Variants in TBC1D1 observed in about 807,000 individuals in gnomAD.
The protein encoded by TBC1D1 is TBC1 domain family member 1, also known as TBC1 (tre-2/USP6, BUB2, cdc16) domain family, member 1.
TBC1D1 carries 89 observed loss-of-function variants against 125.6 expected under a neutral mutation model. The observed-to-expected ratio is 0.71, with a 90% CI of 0.60 to 0.85. TBC1D1 has a LOEUF of 0.85. TBC1D1 is among the 40% of genes least tolerant of loss of function. The pLI is 0.00. For missense variants in TBC1D1, 1,377 were observed against 1,469.2 expected (o/e 0.94, Z 1.03); for synonymous variants, 565 against 564.1 (o/e 1.00, Z -0.02).
At position 38,115,906 on chromosome 4, in the gene TBC1D1, T is replaced by G; in HGVS notation, c.2754T>G (p.Phe918Leu). 6.2e-7 allele frequency: 1 copy of G among 1,614,252 alleles called. No homozygotes were observed. Among genetic ancestry groups the G allele is most frequent in the Non-Finnish European group, 8.5e-7 (1 of 1,180,040 alleles). ...TTAAAATGCTCAAGTTTCTGATGTT[T>G]GACATGGGGCTGCGGAAACAGTATC... The change falls in exon 16 of 20, where the codon TTT becomes TTG. Residue 918 changes from phenylalanine to leucine, a missense_variant. By Grantham distance (22) the Phe-to-Leu change is conservative (BLOSUM62 0). Around this residue, in one of 3 missense-constraint regions of TBC1D1, gnomAD observed 543 missense variants for 613.5 expected, o/e 0.89. Transcript: ENST00000261439.
Position 38,092,034 on chromosome 4 carries a change from T to A in TBC1D1, c.2236+1917T>A, listed in dbSNP as rs1758512572. On this transcript the variant is annotated intron_variant, in intron 13 of 19. Coordinates refer to ENST00000261439, the MANE Select transcript of TBC1D1 (RefSeq NM_015173.4). ...ATGTTGGAAGTATTAATCCATTGTATTAGTGTGTACAGGACCTGGATTGCT... is the reference window on the plus strand; with the variant it reads ...ATGTTGGAAGTATTAATCCATTGTAATAGTGTGTACAGGACCTGGATTGCT... 3.3e-5 allele frequency among the ~76,000 whole-genome samples: 5 copies of A among 152,326 alleles called. No individual in the cohort carries two copies. In the South Asian group the frequency reaches 1.0e-3, roughly 32 times the overall value.
chr4:38,106,925 C>G (rs1317452299), intron 15 of TBC1D1, among the ~76,000 whole-genome samples: 3 of 152,126 alleles, frequency 2.0e-5, no homozygotes, highest in Non-Finnish European at 4.4e-5. Flanking sequence ...ACTGGCAGGG[C>G]TGGCTGCATT....
At chr4:38,054,392 C>T in intron 12 of TBC1D1, 54 bp downstream of exon 14, 2 of 1,606,376 alleles carry the variant, frequency 1.2e-6, no homozygotes, top group Non-Finnish European at 1.7e-6. Flanking sequence ...ACAGAGGACC[C>T]TGGGAGCCCC....
At chr4:38,027,969 T>C (rs1745381442) in intron 7 of TBC1D1, 90 bp downstream of exon 7, 1 of 929,236 alleles carries the variant, frequency 1.1e-6, no homozygotes, top group Admixed American at 2.8e-5. Context: ...AAACCAGTGT[T>C]GTCCCAACCT....
intron 2 of TBC1D1, among the ~76,000 whole-genome samples, chr4:37,922,443 T>C (rs369477647): frequency 6.6e-6 from 1 of 152,186 alleles, no homozygotes; most frequent in African/African-American, 2.4e-5. Context: ...GCAACCCTGT[T>C]AGAACTCAGT....
rs73810081 is a variant in TBC1D1 at position 37,974,025 on chromosome 4, T to A, written c.418-40484T>A. On this transcript the variant is annotated intron_variant, in intron 2 of 19. Transcript: ENST00000261439. ...GTAAGGTTGTAGAGTCTACAAGCAT[T>A]CTCGCTCTAATGGAACTGTCAGCCT... is the stretch of plus-strand genomic sequence containing the variant. Among the ~76,000 whole-genome samples the A allele has an allele frequency of 2.9e-3, 440 of 152,294 alleles. 1 individual carries two copies. Among genetic ancestry groups the A allele is most frequent in the African/African-American group, 1.0e-2 (414 of 41,548 alleles).
chr4:38,011,012 C>G (rs1258122707), intron 2 of TBC1D1, among the ~76,000 whole-genome samples: 1 of 152,162 alleles, frequency 6.6e-6, no homozygotes, highest in African/African-American at 2.4e-5. Flanking sequence ...ATAAAGAATT[C>G]AGGATTTTAT....
chr4:37,914,740 C>G (rs1216166397), intron 2 of TBC1D1, among the ~76,000 whole-genome samples: 2 of 152,230 alleles, frequency 1.3e-5, no homozygotes, highest in African/African-American at 4.8e-5. Context: ...TCCCGTTGCT[C>G]TCTGGACTCC....
At chr4:38,034,388 A>G (rs763380214) in intron 7 of TBC1D1, among the ~76,000 whole-genome samples, 1 of 152,258 alleles carries the variant, frequency 6.6e-6, no homozygotes, top group South Asian at 2.1e-4. Flanking sequence ...TTGAAAGAAC[A>G]GGAAGGCCTC....
At position 38,133,119 on chromosome 4, in the gene TBC1D1, T is replaced by A. The variant is rs1273823785; in HGVS notation, c.3168T>A (p.Ala1056=). ...TGGACATCGCTAAACAGTTACAAGC[T>A]TATGAAGTTGAGTACCACGTCCTTC... Residue 1056 remains alanine (A), a synonymous_variant, in exon 19 of 20, where the codon GCT becomes GCA. Coordinates refer to ENST00000261439, the MANE Select transcript of TBC1D1 (RefSeq NM_015173.4). 2 of 1,614,184 alleles carry A rather than the reference T, an allele frequency of 1.2e-6. No homozygotes were observed. Among genetic ancestry groups the A allele is most frequent in the Non-Finnish European group, 1.7e-6 (2 of 1,180,018 alleles).
At chr4:38,088,741 C>T (rs1325989298) in intron 12 of TBC1D1, among the ~76,000 whole-genome samples, 1 of 152,142 alleles carries the variant, frequency 6.6e-6, no homozygotes, top group Non-Finnish European at 1.5e-5. Context: ...AGGGGAGGCT[C>T]TGTCATACCC....
At position 38,014,917 on chromosome 4, in the gene TBC1D1, G is replaced by A; in HGVS notation, c.826G>A (p.Gly276Arg). ...CGACATTGAGAACCACCTCATTAGC[G>A]GACACAATATTGTGCAGCCCACAGA... The change falls in exon 3 of 20, where the codon GGA becomes AGA. Residue 276 changes from glycine to arginine, a missense_variant. Transcript: ENST00000261439. This position sits in a 1 kb window ranked among gnomAD's most constrained non-coding sequence, Gnocchi z 5.1. 1.9e-6 allele frequency: 3 copies of A among 1,592,280 alleles called. No individual in the cohort carries two copies. The highest frequency in any genetic ancestry group is 1.1e-5 in the South Asian group (1 of 89,740).
chr4:38,115,899 T>C lies in TBC1D1; in HGVS notation c.2747T>C (p.Leu916Pro). The change falls in exon 16 of 20, where the codon CTG (leucine) becomes CCG (proline). Residue 916 changes from leucine to proline, a missense_variant. Around this residue, in one of 3 missense-constraint regions of TBC1D1, gnomAD observed 543 missense variants for 613.5 expected, o/e 0.89. Coordinates refer to ENST00000261439, the MANE Select transcript of TBC1D1 (RefSeq NM_015173.4). ...GAGGCGTTTAAAATGCTCAAGTTTC[T>C]GATGTTTGACATGGGGCTGCGGAAA... The C allele has an allele frequency of 1.2e-6, 2 of 1,614,220 alleles. No homozygotes were observed. The highest frequency in any genetic ancestry group is 1.7e-6 in the Non-Finnish European group (2 of 1,180,034).
chr4:38,106,020 C>T (rs1309830420), intron 15 of TBC1D1, among the ~76,000 whole-genome samples: 1 of 152,136 alleles, frequency 6.6e-6, no homozygotes, highest in Non-Finnish European at 1.5e-5. Context: ...CTTACTCCAC[C>T]TCCCCCGCCT....
chr4:38,082,353 C>T (rs547738232), intron 12 of TBC1D1, among the ~76,000 whole-genome samples: 75 of 152,266 alleles, frequency 4.9e-4, no homozygotes, highest in Admixed American at 3.1e-3. Flanking sequence ...GGCTTTTCCA[C>T]CCCACCATGT....
chr4:38,051,442 T>C (rs1354058942), intron 11 of TBC1D1, among the ~76,000 whole-genome samples: 1 of 152,220 alleles, frequency 6.6e-6, no homozygotes, highest in African/African-American at 2.4e-5. Flanking sequence ...TTAAAAATTT[T>C]TTTTCCTGCC....
rs114023256 is a variant in TBC1D1, at chr4:38,135,098, G to A, written c.3306+1841G>A. On this transcript the variant is annotated intron_variant, in intron 19 of 19. Coordinates refer to ENST00000261439, the MANE Select transcript of TBC1D1 (RefSeq NM_015173.4). ...CATATGTAAGAATCATGCCTCCTCCGTGTACACTTTTCAGACACTGACAAG... is the reference window on the plus strand; with the variant it reads ...CATATGTAAGAATCATGCCTCCTCCATGTACACTTTTCAGACACTGACAAG... 6.3e-3 allele frequency among the ~76,000 whole-genome samples: 956 copies of A among 152,216 alleles called. 7 individuals are homozygous for A. The highest frequency in any genetic ancestry group is 0.021 in the African/African-American group (891 of 41,532).
chr4:37,989,626 C>T (rs1457663093), intron 2 of TBC1D1, among the ~76,000 whole-genome samples: 1 of 152,222 alleles, frequency 6.6e-6, no homozygotes, highest in Non-Finnish European at 1.5e-5. Context: ...CTAGCACATT[C>T]TGCATGAATT....
intron 8 of TBC1D1, among the ~76,000 whole-genome samples, chr4:38,041,931 T>C (rs555666001): frequency 6.6e-6 from 1 of 152,272 alleles, no homozygotes; most frequent in East Asian, 1.9e-4. Context: ...CCCAGCACTT[T>C]GGGAGGCCAA....
Sources: allele counts gnomAD v4.1 joint callset (sites outside exome capture counted in the v4.1 genomes callset), GRCh38; gene constraint gnomAD v4.1.1; regional missense constraint gnomAD v4.1.1; non-coding constraint Gnocchi (gnomAD v3.1); transcripts MANE v1.5; gene names NCBI Gene and HGNC (gene_info 2026-07-23, HGNC 2026-07-21).